COL14A1: variants seen among roughly 807,000 people sequenced by gnomAD.
COL14A1 encodes the protein collagen type XIV alpha 1 chain, also known as collagen alpha-1(XIV) chain.
A neutral mutation model predicts 230.3 loss-of-function variants in COL14A1; 136 were observed. The observed-to-expected ratio is 0.59, with a 90% CI of 0.51 to 0.68. The LOEUF is 0.68. COL14A1 is among the 30% of genes least tolerant of loss of function. The pLI is 0.00. For missense variants in COL14A1, 1,976 were observed against 2,215.8 expected, an observed-to-expected ratio of 0.89 and a Z score of 2.17; for synonymous variants, 792 against 784.1, an observed-to-expected ratio of 1.01 and a Z score of -0.17.
chr8:120,220,493 C>G (rs571205415), intron 14 of COL14A1, among the ~76,000 whole-genome samples: 1 of 151,210 alleles, frequency 6.6e-6, no homozygotes, highest in South Asian at 2.1e-4. Flanking sequence ...AGGATGGTCT[C>G]GATCTCTTGA....
intron 18 of COL14A1, among the ~76,000 whole-genome samples, chr8:120,229,570 A>G (rs541045882): frequency 6.4e-4 from 97 of 152,234 alleles, no homozygotes; most frequent in African/African-American, 2.3e-3. Context: ...CACAATAAAC[A>G]TACATGTGCA....
intron 38 of COL14A1, among the ~76,000 whole-genome samples, chr8:120,314,368 A>G (rs1022481818): frequency 4.0e-5 from 6 of 151,874 alleles, no homozygotes; most frequent in African/African-American, 1.5e-4. Flanking sequence ...TGTTATACAA[A>G]TTTAAGTTTT....
chr8:120,322,899 T>C (rs1821508584), intron 40 of COL14A1, among the ~76,000 whole-genome samples: 1 of 152,242 alleles, frequency 6.6e-6, no homozygotes, highest in African/African-American at 2.4e-5. Context: ...ACAGTTTATA[T>C]TCCTTTGGGC....
chr8:120,308,202 A>C (rs1820911170), intron 36 of COL14A1, among the ~76,000 whole-genome samples: 1 of 152,192 alleles, frequency 6.6e-6, no homozygotes, highest in African/African-American at 2.4e-5. Flanking sequence ...GGCTGGTCTC[A>C]AACTCCTAAC....
At chr8:120,149,622 C>G (rs996321680) in intron 2 of COL14A1, among the ~76,000 whole-genome samples, 1 of 151,774 alleles carries the variant, frequency 6.6e-6, no homozygotes, top group Non-Finnish European at 1.5e-5. Context: ...ATATATAGCT[C>G]TTACGGGATA....
intron 5 of COL14A1, among the ~76,000 whole-genome samples, chr8:120,185,571 G>A (rs1420364985): frequency 6.6e-6 from 1 of 152,116 alleles, no homozygotes; most frequent in Non-Finnish European, 1.5e-5. Context: ...GGAGGCTGAG[G>A]CGGGATCACT....
chr8:120,315,682 G>A, intron 39 of COL14A1, 96 bp downstream of exon 39: 1 of 1,074,000 alleles, frequency 9.3e-7, no homozygotes, highest in Non-Finnish European at 1.4e-6. Flanking sequence ...TGTGATCTTG[G>A]TAAGTGTTTT....
Position 120,369,366 on chromosome 8 carries a change from C to T in COL14A1, c.5192C>T (p.Pro1731Leu), listed in dbSNP as rs932545582. The change falls in exon 47 of 48, where the codon CCC (proline) becomes CTC (leucine). Residue 1731 changes from proline (P) to leucine (L), a missense_variant. Around this residue, in one of 3 missense-constraint regions of COL14A1, gnomAD observed 1,791 missense variants for 2,019.5 expected, o/e 0.89. Coordinates refer to ENST00000297848, the MANE Select transcript of COL14A1 (RefSeq NM_021110.4). ...SGESRPGSPG[P>L]PGSPGPRGPP... The stretch of plus-strand genomic sequence containing the variant: ...GAGAGTCGGCCTGGCAGCCCTGGGC[C>T]CCCTGGCTCTCCTGGACCAAGAGGC... 7 of 1,600,878 alleles carry T rather than the reference C, an allele frequency of 4.4e-6. No homozygotes were observed. In the African/African-American group the frequency reaches 9.4e-5, roughly 22 times the overall value.
intron 23 of COL14A1, among the ~76,000 whole-genome samples, chr8:120,259,656 G>T (rs1233619261): frequency 6.6e-6 from 1 of 152,088 alleles, no homozygotes; most frequent in East Asian, 1.9e-4. Flanking sequence ...TATTATTTTA[G>T]CAGTAAGATC....
intron 5 of COL14A1, among the ~76,000 whole-genome samples, chr8:120,182,728 T>G (rs964026614): frequency 6.9e-6 from 1 of 145,326 alleles, no homozygotes; most frequent in Non-Finnish European, 1.5e-5. Flanking sequence ...TTTTCTTCGT[T>G]TTTTTTTTTT....
intron 19 of COL14A1, chr8:120,231,825 T>A (rs1185790216): frequency 7.4e-6 from 4 of 539,494 alleles, no homozygotes; most frequent in Non-Finnish European, 1.3e-5. Flanking sequence ...TACAACTTGC[T>A]CCAAGTTAAT....
At chr8:120,344,070 T>G (rs996794467) in intron 44 of COL14A1, among the ~76,000 whole-genome samples, 1 of 152,198 alleles carries the variant, frequency 6.6e-6, no homozygotes, top group Non-Finnish European at 1.5e-5. Context: ...GTGATTGACT[T>G]CTAGGAAGTA....
chr8:120,207,374 G>A (rs185029427), intron 10 of COL14A1, among the ~76,000 whole-genome samples: 231 of 152,030 alleles, frequency 1.5e-3, no homozygotes, highest in African/African-American at 5.4e-3. Flanking sequence ...TAAAGTAAAA[G>A]GTATCAGTAG....
At chr8:120,176,402 C>T (rs1231568059) in intron 5 of COL14A1, among the ~76,000 whole-genome samples, 1 of 152,132 alleles carries the variant, frequency 6.6e-6, no homozygotes, top group African/African-American at 2.4e-5. Flanking sequence ...GTAGCCTGGG[C>T]ACATGAGTAT....
intron 1 of COL14A1, among the ~76,000 whole-genome samples, chr8:120,140,713 G>T (rs55889726): frequency 7.2e-5 from 11 of 152,286 alleles, no homozygotes; most frequent in Non-Finnish European, 1.2e-4. Context: ...GATAAAATTG[G>T]CTGTATGTTA....
chr8:120,257,997 T>C (rs1819211378), intron 23 of COL14A1, among the ~76,000 whole-genome samples: 1 of 152,242 alleles, frequency 6.6e-6, no homozygotes. Flanking sequence ...TTATTTCATC[T>C]AAGTCTATTA....
chr8:120,193,822 C>T (rs1038726919), intron 5 of COL14A1, among the ~76,000 whole-genome samples: 17 of 152,238 alleles, frequency 1.1e-4, no homozygotes, highest in Middle Eastern at 3.4e-3. Context: ...TAGCAATCAG[C>T]GAGACTCTGT....
intron 46 of COL14A1, among the ~76,000 whole-genome samples, chr8:120,368,888 T>A (rs914347283): frequency 1.3e-5 from 2 of 152,164 alleles, no homozygotes; most frequent in African/African-American, 4.8e-5. Context: ...GGCCATAAAC[T>A]GGTACTGAAT....
At chr8:120,250,592 A>G in intron 21 of COL14A1, 25 bp from the exon 22 acceptor site, 1 of 1,613,492 alleles carries the variant, frequency 6.2e-7, no homozygotes. Flanking sequence ...TGTTGTAACT[A>G]AAATATATCC....
Sources: gnomAD v4.1 joint callset for allele counts (sites outside exome capture counted in the v4.1 genomes callset) on GRCh38, gnomAD v4.1.1 for gene constraint, gnomAD v4.1.1 regional missense constraint, MANE v1.5 for transcripts, NCBI Gene and HGNC (gene_info 2026-07-23, HGNC 2026-07-21) for gene names.